Variants in ADAM12 observed in about 807,000 individuals in gnomAD.
The protein encoded by ADAM12 is disintegrin and metalloproteinase domain-containing protein 12.
ADAM12 carries 70 observed loss-of-function variants against 106.4 expected under a neutral mutation model. The ratio of observed to expected loss-of-function variants is 0.66; its 90% CI spans 0.54 to 0.80. The LOEUF is 0.80. Ranked by LOEUF, ADAM12 falls within the 30% of genes least tolerant of loss-of-function variation. The probability of loss-of-function intolerance (pLI) is 0.00; values close to 1 mark genes in which losing one functional copy is unlikely to be tolerated. For synonymous variants in ADAM12, 420 were observed against 433.5 expected, an observed-to-expected ratio of 0.97 and a Z score of 0.39; for missense variants, 1,010 against 1,171.9, an observed-to-expected ratio of 0.86 and a Z score of 2.02.
chr10:126,050,381 A>C (rs1954449657), intron 14 of ADAM12, among the ~76,000 whole-genome samples: 1 of 152,242 alleles, frequency 6.6e-6, no homozygotes, highest in South Asian at 2.1e-4. Context: ...ATTTGCAGCC[A>C]AAGTTCTGGA....
At chr10:126,091,409 A>C (rs779996741) in intron 11 of ADAM12, among the ~76,000 whole-genome samples, 8 of 152,218 alleles carry the variant, frequency 5.3e-5, no homozygotes, top group Non-Finnish European at 8.8e-5. Flanking sequence ...TTTTGTGATT[A>C]ATTCACCTAC....
chr10:126,069,067 G>A (rs1047560802), intron 12 of ADAM12, among the ~76,000 whole-genome samples: 1 of 152,122 alleles, frequency 6.6e-6, no homozygotes, highest in African/African-American at 2.4e-5. Context: ...GAATGGCCAG[G>A]TCAATCTGAT....
chr10:126,348,604 CTTTGTTCTAACAGAACACTCTTTTTAT>C (rs1271525258), intron 1 of ADAM12, among the ~76,000 whole-genome samples: 3 of 152,172 alleles, frequency 2.0e-5, no homozygotes, highest in African/African-American at 7.2e-5. Context: ...TCTACGTCCA[CTTTGTTCTAACAGAACACTCTTTTTAT>C]TCTGCAGGAT....
Position 126,086,706 on chromosome 10 carries a change from T to TAA in ADAM12, c.1145+7277_1145+7278dup, listed in dbSNP as rs1357802238. Among the ~76,000 whole-genome samples the TAA allele has an allele frequency of 3.8e-3, 247 of 65,142 alleles. 9 individuals are homozygous for TAA. Among genetic ancestry groups the TAA allele is most frequent in the African/African-American group, 0.014 (232 of 17,040 alleles). 42.7% of individuals were successfully genotyped at this position (65,142 alleles called of 152,430 possible). A position where few individuals can be genotyped will look rare whatever the true frequency, so the allele number is the denominator to read the frequency against. On this transcript the variant is annotated intron_variant, in intron 11 of 22. Transcript: ENST00000448723. ...ATATATATATATATATATATATATA[T>TAA]AAAATAAAATAGGTATAGTCATGAC...
At chr10:126,172,602 A>C (rs959894934) in intron 3 of ADAM12, among the ~76,000 whole-genome samples, 4 of 152,192 alleles carry the variant, frequency 2.6e-5, no homozygotes, top group African/African-American at 9.7e-5. Context: ...AAAGTCAGGA[A>C]ACAACAGATG....
At chr10:126,304,449 C>T (rs1260621469) in intron 2 of ADAM12, among the ~76,000 whole-genome samples, 4 of 151,886 alleles carry the variant, frequency 2.6e-5, no homozygotes, top group Admixed American at 6.6e-5. Context: ...GATCTAAATA[C>T]TCCAAAATAA....
At chr10:126,083,242 A>G (rs764515232) in intron 11 of ADAM12, among the ~76,000 whole-genome samples, 8 of 152,216 alleles carry the variant, frequency 5.3e-5, no homozygotes, top group Non-Finnish European at 1.2e-4. Context: ...TATGACTCCT[A>G]TTTTAGAGAT....
At chr10:126,087,947 G>A (rs951685956) in intron 11 of ADAM12, among the ~76,000 whole-genome samples, 2 of 152,202 alleles carry the variant, frequency 1.3e-5, no homozygotes, top group African/African-American at 4.8e-5. Flanking sequence ...TGCCCAGCCT[G>A]TATTTAATTC....
intron 2 of ADAM12, among the ~76,000 whole-genome samples, chr10:126,302,423 T>C (rs867620905): frequency 6.6e-6 from 1 of 152,220 alleles, no homozygotes; most frequent in Non-Finnish European, 1.5e-5. Context: ...AATTGGTCTT[T>C]TATTATACGA....
chr10:126,084,564 C>T (rs1955299541), intron 11 of ADAM12, among the ~76,000 whole-genome samples: 1 of 152,200 alleles, frequency 6.6e-6, no homozygotes, highest in African/African-American at 2.4e-5. Context: ...GTTCTTTCTG[C>T]TGACTTAGCA....
chr10:126,026,500 T>C lies in ADAM12; in HGVS notation c.2530-6675A>G, dbSNP rs114472388. 5.7e-3 allele frequency among the ~76,000 whole-genome samples: 861 copies of C among 152,312 alleles called. 6 individuals are homozygous for C. The highest frequency in any genetic ancestry group is 0.02 in the African/African-American group (822 of 41,572). Reference sequence around the variant, plus strand: ...ATTCTTATTACTACACAGCACTTACTCTAAAATTGATCACGTAATCAGAAG... The same window carrying C: ...ATTCTTATTACTACACAGCACTTACCCTAAAATTGATCACGTAATCAGAAG... On this transcript the variant is annotated intron_variant, in intron 21 of 22. Transcript: ENST00000448723.
At chr10:126,054,786 A>T (rs1209751638) in intron 14 of ADAM12, among the ~76,000 whole-genome samples, 9 of 152,004 alleles carry the variant, frequency 5.9e-5, no homozygotes, top group Non-Finnish European at 1.2e-4. Flanking sequence ...GGCATGTGGC[A>T]GACCCCTAGG....
At chr10:126,046,801 C>CA (rs60056450) in intron 16 of ADAM12, among the ~76,000 whole-genome samples, 6,913 of 49,638 alleles carry the variant, frequency 0.14, 836 homozygotes, top group East Asian at 0.23. Context: ...GATTCCGTCT[C>CA]AAAAAAAAAA....
intron 2 of ADAM12, among the ~76,000 whole-genome samples, chr10:126,303,070 G>T (rs1214707988): frequency 6.6e-6 from 1 of 152,172 alleles, no homozygotes; most frequent in Middle Eastern, 3.2e-3. Flanking sequence ...AAGGGAGACA[G>T]GACTGATTTG....
intron 1 of ADAM12, among the ~76,000 whole-genome samples, chr10:126,361,034 A>G (rs1430155574): frequency 2.6e-5 from 4 of 152,146 alleles, no homozygotes; most frequent in Non-Finnish European, 5.9e-5. Flanking sequence ...AAAGCATCAG[A>G]TCTCGTGAGG....
chr10:126,369,339 C>T (rs1190480103), intron 1 of ADAM12, among the ~76,000 whole-genome samples: 3 of 152,218 alleles, frequency 2.0e-5, no homozygotes, highest in African/African-American at 7.2e-5. Context: ...GATGTGGTCT[C>T]TGTCACCACA....
chr10:126,287,929 C>T (rs1959949401), intron 2 of ADAM12, among the ~76,000 whole-genome samples: 1 of 149,454 alleles, frequency 6.7e-6, no homozygotes, highest in Admixed American at 6.6e-5. Context: ...CATTACAGTC[C>T]CCACACCCGG....
At chr10:126,225,460 G>C (rs1437041244) in intron 3 of ADAM12, among the ~76,000 whole-genome samples, 3 of 152,202 alleles carry the variant, frequency 2.0e-5, no homozygotes, top group African/African-American at 7.2e-5. Context: ...AATTAGTGTG[G>C]GGGCAGAGCC....
chr10:126,214,914 C>T (rs1216305595), intron 3 of ADAM12, among the ~76,000 whole-genome samples: 6 of 152,222 alleles, frequency 3.9e-5, no homozygotes, highest in Non-Finnish European at 1.5e-5. Flanking sequence ...GGCCTCCACG[C>T]CTCATCCCTT....
Sources: gnomAD v4.1 joint callset for allele counts (sites outside exome capture counted in the v4.1 genomes callset) on GRCh38, gnomAD v4.1.1 for gene constraint, MANE v1.5 for transcripts, NCBI Gene and HGNC (gene_info 2026-07-23, HGNC 2026-07-21) for gene names.